WDR7: variants seen among roughly 807,000 people sequenced by gnomAD.
WDR7 encodes WD repeat domain 7.
Under a neutral mutation model 169.4 loss-of-function variants are expected in WDR7, and 46 were observed. That is an observed-to-expected ratio of 0.27 (90% confidence interval 0.21 to 0.35). WDR7 has a LOEUF of 0.35. Ranked by LOEUF, WDR7 falls within the 10% of genes least tolerant of loss-of-function variation. WDR7 has a pLI of 1.00. For missense variants in WDR7, 1,534 were observed against 1,859.3 expected, an observed-to-expected ratio of 0.83 and a Z score of 3.22; for synonymous variants, 612 against 666.8, an observed-to-expected ratio of 0.92 and a Z score of 1.27.
intron 22 of WDR7, among the ~76,000 whole-genome samples, chr18:56,932,905 G>GTC (rs1217897564): frequency 6.8e-6 from 1 of 146,182 alleles, no homozygotes; most frequent in African/African-American, 2.5e-5. Flanking sequence ...GTGTGTGTGT[G>GTC]TCTATCTGTC....
chr18:56,664,283 G>T lies in WDR7; in HGVS notation c.-19-8214G>T, dbSNP rs549691275. 7.2e-5 allele frequency among the ~76,000 whole-genome samples: 11 copies of T among 152,182 alleles called. 1 individual carries two copies. The highest frequency in any genetic ancestry group is 2.7e-4 in the African/African-American group (11 of 41,500). On this transcript the variant is annotated intron_variant, in intron 1 of 27. Transcript: ENST00000254442. ...GAGGGCGCAGACTAGAGTACATGAG[G>T]CCTTTATACTAAGGAAATGGAAGCA... is the stretch of plus-strand genomic sequence containing the variant.
At chr18:57,016,584 A>G (rs1033905833) in intron 26 of WDR7, among the ~76,000 whole-genome samples, 2 of 152,248 alleles carry the variant, frequency 1.3e-5, no homozygotes. Flanking sequence ...AGAATATTCT[A>G]GAAAGTCATG....
At chr18:56,846,484 T>A (rs1007228556) in intron 20 of WDR7, among the ~76,000 whole-genome samples, 3 of 152,172 alleles carry the variant, frequency 2.0e-5, no homozygotes, top group African/African-American at 7.2e-5. Context: ...GCTGCCACCA[T>A]GTAAAAAGTC....
intron 19 of WDR7, among the ~76,000 whole-genome samples, chr18:56,798,392 C>A (rs1030820268): frequency 1.3e-5 from 2 of 152,160 alleles, no homozygotes; most frequent in African/African-American, 4.8e-5. Flanking sequence ...ATTTTACATA[C>A]CCTCACACCC....
chr18:56,734,608 T>C (rs2026657792), intron 14 of WDR7, among the ~76,000 whole-genome samples: 1 of 152,074 alleles, frequency 6.6e-6, no homozygotes, highest in African/African-American at 2.4e-5. Context: ...CCCTTGTTTT[T>C]TAATCTCACT....
At chr18:56,911,619 G>T (rs1414267580) in intron 21 of WDR7, among the ~76,000 whole-genome samples, 2 of 152,202 alleles carry the variant, frequency 1.3e-5, no homozygotes, top group Non-Finnish European at 2.9e-5. Flanking sequence ...GTCTTTGACT[G>T]TGTATGCGTA....
At chr18:56,839,981 G>A (rs1331546533) in intron 20 of WDR7, among the ~76,000 whole-genome samples, 1 of 152,148 alleles carries the variant, frequency 6.6e-6, no homozygotes, top group African/African-American at 2.4e-5. Context: ...AGAATCTCTT[G>A]TACCCAGGAG....
chr18:56,848,261 A>G (rs943105344), intron 20 of WDR7, among the ~76,000 whole-genome samples: 3 of 152,164 alleles, frequency 2.0e-5, no homozygotes, highest in South Asian at 2.1e-4. Flanking sequence ...CATGGGGCCT[A>G]TTGCCACTTT....
At chr18:57,001,066 A>C (rs1428194048) in intron 26 of WDR7, among the ~76,000 whole-genome samples, 5 of 23,704 alleles carry the variant, frequency 2.1e-4, no homozygotes, top group Non-Finnish European at 6.2e-4. Context: ...AGAGAGAGAG[A>C]GAGAGAGAGA....
chr18:56,697,259 T>C (rs979473615), intron 12 of WDR7, among the ~76,000 whole-genome samples: 1 of 152,230 alleles, frequency 6.6e-6, no homozygotes, highest in Non-Finnish European at 1.5e-5. Flanking sequence ...GAAAACAGTC[T>C]TACTGGTGTA....
chr18:56,804,482 A>G (rs2044733371), intron 19 of WDR7, among the ~76,000 whole-genome samples: 1 of 152,246 alleles, frequency 6.6e-6, no homozygotes, highest in African/African-American at 2.4e-5. Flanking sequence ...AGTCCACTTC[A>G]CACAATAAAA....
intron 19 of WDR7, among the ~76,000 whole-genome samples, chr18:56,809,767 G>A (rs138536469): frequency 2.6e-5 from 4 of 151,950 alleles, no homozygotes; most frequent in Admixed American, 6.6e-5. Flanking sequence ...GTGATGTAGT[G>A]CCTTCTATTG....
Position 57,028,340 on chromosome 18 carries a change from A to G in WDR7, c.*1133A>G, listed in dbSNP as rs1398882589. The G allele has an allele frequency of 6.6e-6, 1 of 152,230 alleles. No homozygotes were observed. Among genetic ancestry groups the G allele is most frequent in the Admixed American group, 6.5e-5 (1 of 15,290 alleles). The allele number at this position is 152,230 out of a possible 1,614,324, so 9.4% of individuals were successfully genotyped here. A position where few individuals can be genotyped will look rare whatever the true frequency, so the allele number is the denominator to read the frequency against. ...AGCAAACATTGCAATGAGGGTGTTCATTATGCTTCTAAGTAAGCTTTAACT... is the reference window on the plus strand; with the variant it reads ...AGCAAACATTGCAATGAGGGTGTTCGTTATGCTTCTAAGTAAGCTTTAACT... On this transcript the variant is annotated 3_prime_UTR_variant, in exon 28 of 28. Transcript: ENST00000254442.
chr18:56,839,789 G>A (rs995510339), intron 20 of WDR7, among the ~76,000 whole-genome samples: 3 of 152,130 alleles, frequency 2.0e-5, no homozygotes, highest in South Asian at 2.1e-4. Context: ...TCAGCCAGGC[G>A]TGGTGGCTCA....
chr18:56,658,910 G>T (rs1443758587), intron 1 of WDR7, among the ~76,000 whole-genome samples: 1 of 151,980 alleles, frequency 6.6e-6, no homozygotes, highest in Admixed American at 6.6e-5. Flanking sequence ...TAGAGATGGG[G>T]TTTCACCATG....
intron 22 of WDR7, among the ~76,000 whole-genome samples, chr18:56,925,378 C>T (rs1209470143): frequency 6.6e-6 from 1 of 152,188 alleles, no homozygotes; most frequent in Non-Finnish European, 1.5e-5. Flanking sequence ...ACAACAGTTC[C>T]ATTTTCTCTA....
chr18:56,865,487 A>G (rs1337129098), intron 20 of WDR7, among the ~76,000 whole-genome samples: 1 of 152,130 alleles, frequency 6.6e-6, no homozygotes, highest in Non-Finnish European at 1.5e-5. Context: ...TTATGAATTT[A>G]TTTGCAGTAT....
intron 26 of WDR7, among the ~76,000 whole-genome samples, chr18:56,971,961 T>C (rs1490533568): frequency 6.6e-6 from 1 of 152,222 alleles, no homozygotes; most frequent in Non-Finnish European, 1.5e-5. Context: ...AAATGAGTAA[T>C]ATAGATGTTG....
intron 19 of WDR7, among the ~76,000 whole-genome samples, chr18:56,790,851 A>G (rs2044472970): frequency 6.6e-6 from 1 of 151,894 alleles, no homozygotes; most frequent in South Asian, 2.1e-4. Context: ...GTACACAAAC[A>G]TAAAGAAAAA....
Sources: allele counts gnomAD v4.1 joint callset (sites outside exome capture counted in the v4.1 genomes callset), GRCh38; gene constraint gnomAD v4.1.1; transcripts MANE v1.5; gene names NCBI Gene and HGNC (gene_info 2026-07-23, HGNC 2026-07-21).